The following DLGAP1 variants were observed in gnomAD, a reference collection of about 807,000 sequenced individuals.
The protein encoded by DLGAP1 is DLG associated protein 1.
DLGAP1 carries 11 observed loss-of-function variants against 90.8 expected under a neutral mutation model. The observed-to-expected ratio is 0.12, with a 90% CI of 0.08 to 0.20. DLGAP1 has a LOEUF of 0.20. DLGAP1 is among the 10% of genes least tolerant of loss of function. The pLI is 1.00. For synonymous variants in DLGAP1, 558 were observed against 540.7 expected, an observed-to-expected ratio of 1.03 and a Z score of -0.44; for missense variants, 1,050 against 1,333.8, an observed-to-expected ratio of 0.79 and a Z score of 3.31.
At chr18:4,104,586 C>T (rs1011171918) in intron 2 of DLGAP1, among the ~76,000 whole-genome samples, 4 of 151,974 alleles carry the variant, frequency 2.6e-5, no homozygotes, top group Admixed American at 2.0e-4. Context: ...TCATTTTGAT[C>T]GTTTCTGGCT....
intron 9 of DLGAP1, among the ~76,000 whole-genome samples, chr18:3,538,967 T>C (rs1446213827): frequency 6.6e-6 from 1 of 152,236 alleles, no homozygotes; most frequent in Non-Finnish European, 1.5e-5. Context: ...CAGTTTGCAG[T>C]GTAGTCACTC....
chr18:3,534,744 GC>G, intron 9 of DLGAP1, 129 bp from the exon 10 acceptor site: 1 of 887,878 alleles, frequency 1.1e-6, no homozygotes, highest in East Asian at 2.8e-5. Flanking sequence ...AGGCTGGAGT[GC>G]AAGTGGCGTG....
At chr18:3,583,180 A>T (rs143749421) in intron 7 of DLGAP1, among the ~76,000 whole-genome samples, 58,858 of 131,510 alleles carry the variant, frequency 0.45, 12,646 homozygotes, top group East Asian at 0.51. Flanking sequence ...CTACCTACCT[A>T]CCTACCTTCC....
intron 5 of DLGAP1, among the ~76,000 whole-genome samples, chr18:3,798,800 G>C (rs944281271): frequency 6.6e-6 from 1 of 152,124 alleles, no homozygotes; most frequent in Non-Finnish European, 1.5e-5. Flanking sequence ...TTTAATAATA[G>C]ATAATTAGAA....
intron 5 of DLGAP1, among the ~76,000 whole-genome samples, chr18:3,756,481 G>A (rs190718665): frequency 2.6e-5 from 4 of 152,046 alleles, no homozygotes; most frequent in African/African-American, 9.6e-5. Flanking sequence ...AGTAGTTACA[G>A]GAAAATTAAT....
intron 1 of DLGAP1, among the ~76,000 whole-genome samples, chr18:4,431,832 G>A (rs2144755406): frequency 6.6e-6 from 1 of 152,218 alleles, no homozygotes; most frequent in East Asian, 1.9e-4. Flanking sequence ...CCCACCTGCT[G>A]GATATAACAA....
At chr18:4,393,842 C>T (rs909978195) in intron 1 of DLGAP1, among the ~76,000 whole-genome samples, 3 of 152,132 alleles carry the variant, frequency 2.0e-5, no homozygotes, top group African/African-American at 7.2e-5. Context: ...TCATAAGAAG[C>T]GTTCAACCTA....
At chr18:4,015,139 T>A (rs1889304760) in intron 2 of DLGAP1, among the ~76,000 whole-genome samples, 1 of 152,148 alleles carries the variant, frequency 6.6e-6, no homozygotes. Context: ...GATTGAAAGC[T>A]CTGAAGTCCC....
At chr18:3,945,186 G>A (rs186071675) in intron 3 of DLGAP1, among the ~76,000 whole-genome samples, 16 of 152,276 alleles carry the variant, frequency 1.1e-4, no homozygotes, top group African/African-American at 3.6e-4. Flanking sequence ...TCAGGTTGAT[G>A]TGAGGATTTA....
Position 4,211,430 on chromosome 18 carries a change from G to GT in DLGAP1, c.-266-60144dup, listed in dbSNP as rs2077838694. ...TTAGAAAGGGTTATCAAGGGAGATTGTTTAATTACCATTTTTGGTAGGTCC... is the reference window on the plus strand; with the variant it reads ...TTAGAAAGGGTTATCAAGGGAGATTGTTTTAATTACCATTTTTGGTAGGTCC... On this transcript the variant is annotated intron_variant, in intron 1 of 12. Transcript: ENST00000315677. Among the ~76,000 whole-genome samples, 2 of 152,186 alleles carry GT rather than the reference G, an allele frequency of 1.3e-5. 1 individual carries two copies. Among genetic ancestry groups the GT allele is most frequent in the Non-Finnish European group, 2.9e-5 (2 of 68,030 alleles).
chr18:3,943,966 C>T (rs34509224), intron 3 of DLGAP1, among the ~76,000 whole-genome samples: 4,388 of 152,240 alleles, frequency 0.029, 91 homozygotes, highest in Non-Finnish European at 0.042. Context: ...ACCCTGTGAA[C>T]GCCTTGATCT....
chr18:4,219,963 G>C (rs570829879), intron 1 of DLGAP1, among the ~76,000 whole-genome samples: 2 of 152,076 alleles, frequency 1.3e-5, no homozygotes, highest in East Asian at 3.9e-4. Context: ...GGCTATTCTA[G>C]GTCTTTTGTG....
At chr18:3,956,479 G>T (rs1164568432) in intron 3 of DLGAP1, among the ~76,000 whole-genome samples, 1 of 151,940 alleles carries the variant, frequency 6.6e-6, no homozygotes, top group African/African-American at 2.4e-5. Flanking sequence ...CTCCCCAGTA[G>T]CTGGGACTAC....
intron 1 of DLGAP1, among the ~76,000 whole-genome samples, chr18:4,352,796 C>G (rs1172487822): frequency 6.6e-6 from 1 of 152,104 alleles, no homozygotes; most frequent in Non-Finnish European, 1.5e-5. Flanking sequence ...TCAGTCTTTA[C>G]GCTTATTTGA....
intron 1 of DLGAP1, among the ~76,000 whole-genome samples, chr18:4,157,073 G>A (rs376628271): frequency 2.0e-5 from 3 of 151,768 alleles, no homozygotes; most frequent in Non-Finnish European, 2.9e-5. Context: ...TGTTTTAGAC[G>A]TGAAGTTTAT....
chr18:3,876,463 T>C (rs7237860), intron 4 of DLGAP1, among the ~76,000 whole-genome samples: 16,858 of 152,266 alleles, frequency 0.11, 1,147 homozygotes, highest in South Asian at 0.19. Context: ...TTAATAAGGA[T>C]TAACTTGGAG....
intron 9 of DLGAP1, among the ~76,000 whole-genome samples, chr18:3,542,708 CAA>C (rs576064585): frequency 2.0e-5 from 3 of 152,214 alleles, no homozygotes; most frequent in African/African-American, 7.2e-5. Context: ...TATACAATTG[CAA>C]AGTTTCTGCC....
At position 3,622,236 on chromosome 18, in the gene DLGAP1, C is replaced by T. The variant is rs372309967; in HGVS notation, c.1592-39988G>A. 2.4e-4 allele frequency among the ~76,000 whole-genome samples: 36 copies of T among 151,910 alleles called. No individual in the cohort carries two copies. In the South Asian group the frequency reaches 6.7e-3, roughly 28 times the overall value. ...TCTCCTGCCTCAGCCTCCCAAGTAG[C>T]TGGGACTACAGGCGCCCACCAACAC... On this transcript the variant is annotated intron_variant, in intron 7 of 12. Transcript: ENST00000315677.
chr18:4,178,336 T>C (rs1287540735), intron 1 of DLGAP1, among the ~76,000 whole-genome samples: 1 of 151,836 alleles, frequency 6.6e-6, no homozygotes, highest in African/African-American at 2.4e-5. Context: ...TCGGCCTCCC[T>C]AGATGGAACT....
Sources: gnomAD v4.1 joint callset for allele counts (sites outside exome capture counted in the v4.1 genomes callset) on GRCh38, gnomAD v4.1.1 for gene constraint, MANE v1.5 for transcripts, NCBI Gene and HGNC (gene_info 2026-07-23, HGNC 2026-07-21) for gene names.